The following BCAS3 variants were observed in gnomAD, a reference collection of about 807,000 sequenced individuals.
BCAS3 encodes the protein BCAS3 microtubule associated cell migration factor.
BCAS3 carries 53 observed loss-of-function variants against 116.1 expected under a neutral mutation model. The ratio of observed to expected loss-of-function variants is 0.46; its 90% confidence interval spans 0.37 to 0.57. The LOEUF is 0.57. BCAS3 is among the 20% of genes least tolerant of loss of function. The pLI is 0.00. For synonymous variants in BCAS3, 391 were observed against 408.2 expected (o/e 0.96, Z 0.51); for missense variants, 917 against 1,165.4 (o/e 0.79, Z 3.10).
rs1022162902 is a variant in BCAS3, at chr17:61,227,494, T to G, written c.2426-140833T>G. On this transcript the variant is annotated intron_variant, in intron 22 of 23. Coordinates refer to ENST00000407086, the MANE Select transcript of BCAS3 (RefSeq NM_017679.5). This position sits in a 1 kb window ranked among gnomAD's most constrained non-coding sequence, Gnocchi z 6.1. ...AGTTTGAAACAGAAAAGGGCTTTCT[T>G]TAGCTTTTGGGAGGAATTTGTGTTT... Among the ~76,000 whole-genome samples, 5 of 152,194 alleles carry G rather than the reference T, an allele frequency of 3.3e-5. No individual in the cohort carries two copies. The highest frequency in any genetic ancestry group is 7.3e-5 in the Non-Finnish European group (5 of 68,034).
chr17:61,314,874 A>G (rs531832855), intron 22 of BCAS3, among the ~76,000 whole-genome samples: 1 of 152,318 alleles, frequency 6.6e-6, no homozygotes, highest in East Asian at 1.9e-4. Context: ...ATACACAGGG[A>G]GTGGATAATG....
At position 60,880,011 on chromosome 17, in the gene BCAS3, G is replaced by A. The variant is rs549362262; in HGVS notation, c.661+5273G>A. ...GGAAAAGGTTACTATGATGTTTTTAGGGCATGTGCTGGTGCTGGAATCATA... is the reference window on the plus strand; with the variant it reads ...GGAAAAGGTTACTATGATGTTTTTAAGGCATGTGCTGGTGCTGGAATCATA... On this transcript the variant is annotated intron_variant, in intron 9 of 23. Coordinates refer to ENST00000407086, the MANE Select transcript of BCAS3 (RefSeq NM_017679.5). Among the ~76,000 whole-genome samples the A allele has an allele frequency of 3.9e-5, 6 of 152,214 alleles. No individual in the cohort carries two copies. In the East Asian group the frequency reaches 1.2e-3, roughly 29 times the overall value.
At chr17:61,192,449 G>A (rs1238262180) in intron 22 of BCAS3, among the ~76,000 whole-genome samples, 2 of 152,142 alleles carry the variant, frequency 1.3e-5, no homozygotes, top group African/African-American at 4.8e-5. Flanking sequence ...ACGTTGTAGT[G>A]TAATTGAAGA....
At chr17:61,207,054 G>A (rs1439455077) in intron 22 of BCAS3, among the ~76,000 whole-genome samples, 1 of 152,066 alleles carries the variant, frequency 6.6e-6, no homozygotes, top group Non-Finnish European at 1.5e-5. Flanking sequence ...TTTATTTGAA[G>A]ATGCAATATT....
At chr17:60,866,926 C>T (rs1016854362) in intron 7 of BCAS3, among the ~76,000 whole-genome samples, 2 of 151,982 alleles carry the variant, frequency 1.3e-5, no homozygotes, top group Non-Finnish European at 2.9e-5. Context: ...TATGTTCTGT[C>T]CCTCTGTCTA....
intron 6 of BCAS3, among the ~76,000 whole-genome samples, chr17:60,799,647 G>A (rs1219215544): frequency 7.0e-6 from 1 of 142,654 alleles, no homozygotes; most frequent in East Asian, 2.1e-4. Context: ...TTGTGCCTCA[G>A]CCTCCTGAGT....
chr17:60,919,559 G>A (rs1567867443), intron 12 of BCAS3, among the ~76,000 whole-genome samples: 1 of 152,096 alleles, frequency 6.6e-6, no homozygotes, highest in Non-Finnish European at 1.5e-5. Flanking sequence ...TCTTGAGCTC[G>A]TGATCTACCC....
rs931527507 is a variant in BCAS3 at position 61,097,789 on chromosome 17, C to G, written c.2425+13225C>G. Among the ~76,000 whole-genome samples the G allele has an allele frequency of 6.6e-6, 1 of 152,160 alleles. No homozygotes were observed. The highest frequency in any genetic ancestry group is 1.5e-5 in the Non-Finnish European group (1 of 68,034). On this transcript the variant is annotated intron_variant, in intron 22 of 23. Coordinates refer to ENST00000407086, the MANE Select transcript of BCAS3 (RefSeq NM_017679.5). This position sits in a 1 kb window ranked among gnomAD's most constrained non-coding sequence, Gnocchi z 4.0. The stretch of plus-strand genomic sequence containing the variant: ...AGTCAAAGAACAGGACTTAGGACAC[C>G]TAGCTCCTGATACTTAAAATTACTT...
At chr17:60,853,647 A>G (rs1267744551) in intron 7 of BCAS3, among the ~76,000 whole-genome samples, 1 of 152,254 alleles carries the variant, frequency 6.6e-6, no homozygotes, top group East Asian at 1.9e-4. Flanking sequence ...GTAGTCAGAT[A>G]TATGCATTTC....
intron 7 of BCAS3, among the ~76,000 whole-genome samples, chr17:60,822,022 T>TCTC (rs1265663372): frequency 2.6e-5 from 4 of 152,216 alleles, no homozygotes; most frequent in Non-Finnish European, 5.9e-5. Context: ...TGTTGATGGA[T>TCTC]ATTTTGGTTG....
chr17:60,861,535 G>C (rs2054158049), intron 7 of BCAS3, among the ~76,000 whole-genome samples: 1 of 152,130 alleles, frequency 6.6e-6, no homozygotes, highest in Non-Finnish European at 1.5e-5. Flanking sequence ...GTGTTGAATA[G>C]GATTGGTGAG....
Position 61,083,597 on chromosome 17 carries a change from CTT to C in BCAS3, c.2328-855_2328-854del, listed in dbSNP as rs778684833. On this transcript the variant is annotated intron_variant, in intron 21 of 23. Coordinates refer to ENST00000407086, the MANE Select transcript of BCAS3 (RefSeq NM_017679.5). The surrounding 1 kb of genome is among the most constrained non-coding windows in gnomAD (Gnocchi z 4.9). ...ATTTGGCATTTATATGTTTATTATT[CTT>C]TTTTTTTTTTTTTTGAGACGGAGTC... 2.0e-4 allele frequency among the ~76,000 whole-genome samples: 28 copies of C among 136,632 alleles called. No homozygotes were observed. Among genetic ancestry groups the C allele is most frequent in the African/African-American group, 4.6e-4 (17 of 36,666 alleles). The allele number at this position is 136,632 out of a possible 152,430, so 89.6% of individuals were successfully genotyped here.
chr17:61,143,494 A>G (rs1021810389), intron 22 of BCAS3, among the ~76,000 whole-genome samples: 1 of 152,254 alleles, frequency 6.6e-6, no homozygotes, highest in Non-Finnish European at 1.5e-5. Context: ...TGGTCAGGAC[A>G]TAATGCTTGC....
chr17:61,067,340 T>C (rs1333269912), intron 19 of BCAS3, among the ~76,000 whole-genome samples: 1 of 140,344 alleles, frequency 7.1e-6, no homozygotes, highest in African/African-American at 2.7e-5. Flanking sequence ...GCAGTATTTT[T>C]GGTTTAGATT....
rs77254120 is a variant in BCAS3 at position 61,127,141 on chromosome 17, G to A, written c.2425+42577G>A. On this transcript the variant is annotated intron_variant, in intron 22 of 23. Transcript: ENST00000407086. Reference sequence around the variant, plus strand: ...GTAGGAGCTTCTTGACATTTTCATGGGTAATATTTGGTCTTCGCAAGTATC... The same window carrying A: ...GTAGGAGCTTCTTGACATTTTCATGAGTAATATTTGGTCTTCGCAAGTATC... Among the ~76,000 whole-genome samples the A allele has an allele frequency of 8.5e-3, 1,291 of 152,152 alleles. 5 individuals carry two copies. Among genetic ancestry groups the A allele is most frequent in the Non-Finnish European group, 0.013 (853 of 67,978 alleles).
intron 5 of BCAS3, among the ~76,000 whole-genome samples, chr17:60,710,829 G>T (rs1471833386): frequency 1.3e-5 from 2 of 149,766 alleles, no homozygotes; most frequent in Non-Finnish European, 3.0e-5. Context: ...TTGAGACAGG[G>T]TCTCACTTTG....
chr17:60,698,401 T>G (rs1186509591), intron 4 of BCAS3, among the ~76,000 whole-genome samples: 3 of 152,098 alleles, frequency 2.0e-5, no homozygotes, highest in Non-Finnish European at 4.4e-5. Flanking sequence ...TCCAGCACTT[T>G]GGGAGGTTGA....
At position 61,285,259 on chromosome 17, in the gene BCAS3, T is replaced by TG. The variant is rs1555807771; in HGVS notation, c.2426-83068_2426-83067insG. 7.2e-4 allele frequency among the ~76,000 whole-genome samples: 93 copies of TG among 129,088 alleles called. No homozygotes were observed. The highest frequency in any genetic ancestry group is 2.6e-3 in the African/African-American group (75 of 28,856). The allele number at this position is 129,088 out of a possible 152,430, so 84.7% of individuals were successfully genotyped here. ...TGTGTGTGTGTGTGTGTGTGTGTGT[T>TG]TCTTGCTAAAATGCAGCAAAGGAAG... On this transcript the variant is annotated intron_variant, in intron 22 of 23. Transcript: ENST00000407086. This position sits in a 1 kb window ranked among gnomAD's most constrained non-coding sequence, Gnocchi z 5.4.
intron 15 of BCAS3, among the ~76,000 whole-genome samples, chr17:61,010,489 CTT>C (rs531855714): frequency 6.9e-6 from 1 of 145,530 alleles, no homozygotes. Flanking sequence ...TTCATAATTC[CTT>C]TTTTTTTTTA....
Sources: gnomAD v4.1 joint callset for allele counts (sites outside exome capture counted in the v4.1 genomes callset) on GRCh38, gnomAD v4.1.1 for gene constraint, Gnocchi (gnomAD v3.1) non-coding constraint, MANE v1.5 for transcripts, NCBI Gene and HGNC (gene_info 2026-07-23, HGNC 2026-07-21) for gene names.